Variants in SRSF11 observed in about 807,000 individuals in gnomAD.
SRSF11 encodes the protein serine/arginine-rich splicing factor 11.
Under a neutral mutation model 56.0 loss-of-function variants are expected in SRSF11, and 9 were observed. The observed-to-expected ratio is 0.16, with a 90% CI of 0.10 to 0.28. SRSF11 has a LOEUF of 0.28. SRSF11 is among the 10% of genes least tolerant of loss of function. The pLI, the probability that SRSF11 is intolerant of heterozygous loss-of-function variation, is 1.00. For synonymous variants in SRSF11, 222 were observed against 215.3 expected, an observed-to-expected ratio of 1.03 and a Z score of -0.27; for missense variants, 421 against 600.7, an observed-to-expected ratio of 0.70 and a Z score of 3.13.
intron 4 of SRSF11, 62 bp from the exon 5 acceptor site, chr1:70,235,439 A>C: frequency 7.1e-7 from 1 of 1,408,930 alleles, no homozygotes; most frequent in Admixed American, 2.0e-5. Flanking sequence ...TTTTCTGCCT[A>C]GAAAATATCG....
At chr1:70,210,342 A>G (rs926532851) in intron 1 of SRSF11, among the ~76,000 whole-genome samples, 16 of 151,986 alleles carry the variant, frequency 1.1e-4, no homozygotes, top group Non-Finnish European at 2.4e-4. Context: ...TGTTTTATAG[A>G]GACAGGGTCT....
chr1:70,210,439 A>G (rs1669461585), intron 1 of SRSF11, among the ~76,000 whole-genome samples: 1 of 152,160 alleles, frequency 6.6e-6, no homozygotes, highest in African/African-American at 2.4e-5. Context: ...TTGGCCAGGT[A>G]CGGTGGCTCA....
intron 6 of SRSF11, 87 bp downstream of exon 6, chr1:70,237,639 A>G (rs1172749539): frequency 1.5e-5 from 23 of 1,539,324 alleles, no homozygotes; most frequent in African/African-American, 2.8e-5. Flanking sequence ...GTGACACCCT[A>G]GTCGTTTAAA....
At chr1:70,232,540 T>C (rs543378563) in intron 3 of SRSF11, among the ~76,000 whole-genome samples, 163 bp downstream of exon 3, 2 of 152,350 alleles carry the variant, frequency 1.3e-5, no homozygotes, top group African/African-American at 2.4e-5. Context: ...TCTTAGACTT[T>C]TGTATTTTAA....
intron 5 of SRSF11, among the ~76,000 whole-genome samples, chr1:70,236,881 G>A (rs1292180276): frequency 5.3e-5 from 7 of 131,410 alleles, no homozygotes; most frequent in Admixed American, 1.9e-4. Flanking sequence ...TCTGCCTCCC[G>A]GGTTCAAGCA....
Position 70,250,418 on chromosome 1 carries a change from G to A in SRSF11, c.1172G>A (p.Arg391Lys). 2 of 1,598,284 alleles carry A rather than the reference G, an allele frequency of 1.3e-6. No individual in the cohort carries two copies. The highest frequency in any genetic ancestry group is 1.7e-6 in the Non-Finnish European group (2 of 1,165,750). ...DKDKERSRDE[R>K]ERSTSKKKKS... ...GACAAAGAAAGAAGTAGGGATGAAA[G>A]AGAACGATCAACAAGCAAGAAGAAG... The change falls in exon 11 of 12, where the codon AGA becomes AAA. Residue 391 changes from arginine (R) to lysine (K), a missense_variant. Arg to Lys is a conservative substitution (Grantham distance 26, BLOSUM62 2). Coordinates refer to ENST00000370949, the MANE Select transcript of SRSF11 (RefSeq NM_001350605.2).
At chr1:70,218,258 G>GT (rs1450456104), upstream of SRSF11, among the ~76,000 whole-genome samples, 1 of 152,180 alleles carries the variant, frequency 6.6e-6, no homozygotes, top group Non-Finnish European at 1.5e-5. Context: ...ATGAGCCACT[G>GT]TACCTGGCCA....
chr1:70,222,261 AG>A (rs1463499001), intron 1 of SRSF11, among the ~76,000 whole-genome samples: 2 of 152,206 alleles, frequency 1.3e-5, no homozygotes, highest in Non-Finnish European at 2.9e-5. Flanking sequence ...TAAACTTTGT[AG>A]GTTGTTCACT....
At chr1:70,219,648 A>G (rs549384789), upstream of SRSF11, among the ~76,000 whole-genome samples, 26 of 152,314 alleles carry the variant, frequency 1.7e-4, no homozygotes, top group Non-Finnish European at 2.9e-4. Context: ...CCTGGAACCA[A>G]TCCCCCACAG....
chr1:70,229,066 C>T, intron 2 of SRSF11: 1 of 1,096,202 alleles, frequency 9.1e-7, no homozygotes, highest in Non-Finnish European at 1.1e-6. Context: ...CGTGAAAGTT[C>T]AAGATTTCCT....
At chr1:70,215,055 G>A (rs1031145708) in intron 1 of SRSF11, among the ~76,000 whole-genome samples, 6 of 151,902 alleles carry the variant, frequency 3.9e-5, no homozygotes, top group African/African-American at 9.7e-5. Flanking sequence ...ACGCCACCAC[G>A]CCCAGCTAGT....
intron 2 of SRSF11, chr1:70,230,513 C>G: frequency 1.6e-6 from 2 of 1,247,364 alleles, no homozygotes; most frequent in Non-Finnish European, 2.1e-6. Context: ...ATGTTTGTTT[C>G]TTTTGTCTGT....
chr1:70,230,584 T>TA (rs546561685), intron 2 of SRSF11: 49 of 1,284,718 alleles, frequency 3.8e-5, no homozygotes, highest in Middle Eastern at 2.2e-4. Flanking sequence ...AAAGCAGCAG[T>TA]AAAAAAAATA....
intron 8 of SRSF11, among the ~76,000 whole-genome samples, chr1:70,246,366 C>A (rs574095526): frequency 6.6e-6 from 1 of 152,046 alleles, no homozygotes. Flanking sequence ...TTGCTTGATC[C>A]ATGATAGAGG....
At chr1:70,242,142 T>A (rs1158995314) in intron 7 of SRSF11, among the ~76,000 whole-genome samples, 9 of 150,068 alleles carry the variant, frequency 6.0e-5, no homozygotes, top group Non-Finnish European at 1.3e-4. Flanking sequence ...GCACTCCAGC[T>A]TGGTGACAGC....
At chr1:70,244,929 G>A (rs1353124881) in intron 8 of SRSF11, 114 bp downstream of exon 8, 2 of 946,952 alleles carry the variant, frequency 2.1e-6, no homozygotes, top group African/African-American at 1.7e-5. Flanking sequence ...GGCTAGACAG[G>A]GGAAGAAACT....
At chr1:70,233,043 C>T (rs940245594) in intron 3 of SRSF11, among the ~76,000 whole-genome samples, 1 of 152,080 alleles carries the variant, frequency 6.6e-6, no homozygotes, top group African/African-American at 2.4e-5. Flanking sequence ...TTTTGCCTGT[C>T]TAAATAATTG....
At chr1:70,237,277 G>A (rs1286404891) in intron 5 of SRSF11, 148 bp from the exon 6 acceptor site, 1 of 906,556 alleles carries the variant, frequency 1.1e-6, no homozygotes, top group Non-Finnish European at 1.7e-6. Flanking sequence ...TATGCTATAT[G>A]TTGTTTACCA....
intron 6 of SRSF11, 90 bp downstream of exon 6, chr1:70,237,642 C>A (rs867982073): frequency 1.3e-6 from 2 of 1,524,318 alleles, no homozygotes; most frequent in South Asian, 1.2e-5. Flanking sequence ...ACACCCTAGT[C>A]GTTTAAAATG....
Sources: gnomAD v4.1 joint callset for allele counts (sites outside exome capture counted in the v4.1 genomes callset) on GRCh38, gnomAD v4.1.1 for gene constraint, MANE v1.5 for transcripts, NCBI Gene and HGNC (gene_info 2026-07-23, HGNC 2026-07-21) for gene names.